DPF3: variants seen among roughly 807,000 people sequenced by gnomAD.
DPF3 encodes zinc finger protein DPF3.
DPF3 carries 18 observed loss-of-function variants against 56.8 expected under a neutral mutation model. That is an observed-to-expected ratio of 0.32 (90% CI 0.22 to 0.47). The LOEUF (loss-of-function observed/expected upper bound fraction) is 0.47, where lower values mean the gene tolerates loss of function less well. Ranked by LOEUF, DPF3 falls within the 20% of genes least tolerant of loss-of-function variation. The pLI is 1.00. For synonymous variants in DPF3, 188 were observed against 180.2 expected, an observed-to-expected ratio of 1.04 and a Z score of -0.35; for missense variants, 403 against 488.8, an observed-to-expected ratio of 0.82 and a Z score of 1.65.
At chr14:72,695,186 T>G (rs1032022851) in intron 6 of DPF3, among the ~76,000 whole-genome samples, 1 of 152,222 alleles carries the variant, frequency 6.6e-6, no homozygotes, top group Non-Finnish European at 1.5e-5. Context: ...TGCCTTTTCT[T>G]TTATCTGAAA....
intron 1 of DPF3, among the ~76,000 whole-genome samples, chr14:72,810,391 T>A (rs8015833): frequency 6.6e-6 from 1 of 151,966 alleles, no homozygotes; most frequent in Non-Finnish European, 1.5e-5. Context: ...GGGCGGAGAA[T>A]GTGAATCACA....
At chr14:72,890,542 T>C (rs1470315279) in intron 1 of DPF3, among the ~76,000 whole-genome samples, 3 of 131,898 alleles carry the variant, frequency 2.3e-5, no homozygotes, top group Admixed American at 1.6e-4. Flanking sequence ...TTCCCAGGTA[T>C]GCACAAATCA....
At chr14:72,778,784 C>G (rs999768495) in intron 1 of DPF3, among the ~76,000 whole-genome samples, 3 of 152,174 alleles carry the variant, frequency 2.0e-5, no homozygotes, top group African/African-American at 7.2e-5. Context: ...GAGAGAGATT[C>G]CAATCCCCTT....
chr14:72,617,580 C>T lies in DPF3; in HGVS notation c.*1717G>A, dbSNP rs937823215. On this transcript the variant is annotated 3_prime_UTR_variant, in exon 11 of 11. Coordinates refer to ENST00000556509, the MANE Select transcript of DPF3 (RefSeq NM_001280542.3). ...GTGTGATTCCCTCTGAGGCCACAGG[C>T]CCCTGCAGGAGAGTGACCCCCATCG... is the stretch of plus-strand genomic sequence containing the variant. Among the ~76,000 whole-genome samples the T allele has an allele frequency of 6.6e-6, 1 of 152,188 alleles. No homozygotes were observed.
chr14:72,893,408 G>A (rs1335250638), intron 1 of DPF3, among the ~76,000 whole-genome samples: 2 of 152,144 alleles, frequency 1.3e-5, no homozygotes, highest in African/African-American at 2.4e-5. Flanking sequence ...GAGATCCGGG[G>A]GCTGCCGGGG....
chr14:72,715,429 A>C (rs1472854582), intron 5 of DPF3, among the ~76,000 whole-genome samples: 1 of 152,122 alleles, frequency 6.6e-6, no homozygotes, highest in African/African-American at 2.4e-5. Context: ...TTCTTTGGTA[A>C]TGAGTAGCAG....
intron 1 of DPF3, among the ~76,000 whole-genome samples, chr14:72,869,899 G>A (rs957141431): frequency 2.0e-5 from 3 of 152,062 alleles, no homozygotes; most frequent in Non-Finnish European, 4.4e-5. Flanking sequence ...TAGAGATGAT[G>A]GGGGGTAGGG....
chr14:72,710,698 A>G (rs547409798), intron 6 of DPF3, among the ~76,000 whole-genome samples: 2 of 152,356 alleles, frequency 1.3e-5, no homozygotes, highest in East Asian at 3.9e-4. Context: ...CTACACTTTC[A>G]CAAACACCAA....
chr14:72,835,906 C>A (rs1884272694), intron 1 of DPF3, among the ~76,000 whole-genome samples: 1 of 152,184 alleles, frequency 6.6e-6, no homozygotes, highest in African/African-American at 2.4e-5. Flanking sequence ...CCACCAAAAA[C>A]CAACCTCATG....
chr14:72,806,277 C>CT (rs1882778955), intron 1 of DPF3, among the ~76,000 whole-genome samples: 1 of 152,160 alleles, frequency 6.6e-6, no homozygotes, highest in African/African-American at 2.4e-5. Flanking sequence ...AGTGGCCACC[C>CT]GTGGGTGGTC....
At chr14:72,827,018 G>A (rs1242115925) in intron 1 of DPF3, among the ~76,000 whole-genome samples, 1 of 145,620 alleles carries the variant, frequency 6.9e-6, no homozygotes, top group Non-Finnish European at 1.5e-5. Flanking sequence ...CTCCAGCCTG[G>A]GCAACAAGAG....
intron 1 of DPF3, among the ~76,000 whole-genome samples, chr14:72,823,553 C>T (rs17781606): frequency 0.08 from 12,110 of 152,180 alleles, 697 homozygotes; most frequent in Admixed American, 0.17. Context: ...CTGTTATATA[C>T]GGGCTGCAGC....
At chr14:72,808,928 G>T (rs1025747857) in intron 1 of DPF3, among the ~76,000 whole-genome samples, 1 of 152,246 alleles carries the variant, frequency 6.6e-6, no homozygotes, top group East Asian at 1.9e-4. Context: ...CCAGGCAAGT[G>T]ATTTTACCTC....
At chr14:72,771,620 T>C in intron 2 of DPF3, 113 bp downstream of exon 2, 1 of 1,347,030 alleles carries the variant, frequency 7.4e-7, no homozygotes, top group Non-Finnish European at 9.9e-7. Context: ...CATGTGCAGC[T>C]TGCCCCACCC....
intron 1 of DPF3, among the ~76,000 whole-genome samples, chr14:72,848,380 G>A (rs1884844036): frequency 6.6e-6 from 1 of 152,118 alleles, no homozygotes. Context: ...GCCCAGGCTG[G>A]CCTCAAATTC....
chr14:72,876,709 C>G (rs1370029633), intron 1 of DPF3, among the ~76,000 whole-genome samples: 1 of 152,200 alleles, frequency 6.6e-6, no homozygotes, highest in East Asian at 1.9e-4. Context: ...CCTCACCCTC[C>G]CGAGCCTAAC....
At chr14:72,842,335 A>G (rs1014378762) in intron 1 of DPF3, among the ~76,000 whole-genome samples, 16 of 152,194 alleles carry the variant, frequency 1.1e-4, no homozygotes, top group African/African-American at 3.6e-4. Flanking sequence ...CCACATGCTC[A>G]TCAAAAGTAA....
rs114799116 is a variant in DPF3, at chr14:72,611,782, T to G, written c.*7515A>C. ...AGCAACTAGGCTGAGGTCATCTGTT[T>G]TCTTCCCCCGACCCCTCAGCCTCCA... is the stretch of plus-strand genomic sequence containing the variant. On this transcript the variant is annotated 3_prime_UTR_variant, in exon 11 of 11. Coordinates refer to ENST00000556509, the MANE Select transcript of DPF3 (RefSeq NM_001280542.3). Among the ~76,000 whole-genome samples, 2,656 of 152,234 alleles carry G rather than the reference T, an allele frequency of 0.017. 78 individuals carry two copies. Among genetic ancestry groups the G allele is most frequent in the African/African-American group, 0.061 (2,536 of 41,530 alleles).
chr14:72,674,301 G>A lies in DPF3; in HGVS notation c.810C>T (p.Asn270=), dbSNP rs371920826. 5.0e-6 allele frequency: 8 copies of A among 1,612,444 alleles called. No homozygotes were observed. In the African/African-American group the frequency reaches 8.0e-5, roughly 16 times the overall value. ...NYCDFCLGGS[N]MNKKSGRPEE... ...CAGGCCGCCCACTCTTCTTGTTCAT[G>A]TTGGAGCCCCCCAAGCAGAAGTCAC... Residue 270 remains asparagine (N), a synonymous_variant, in exon 8 of 11, where the codon AAC becomes AAT. Coordinates refer to ENST00000556509, the MANE Select transcript of DPF3 (RefSeq NM_001280542.3).
Sources: allele counts gnomAD v4.1 joint callset (sites outside exome capture counted in the v4.1 genomes callset), GRCh38; gene constraint gnomAD v4.1.1; transcripts MANE v1.5; gene names NCBI Gene and HGNC (gene_info 2026-07-23, HGNC 2026-07-21).